The following SCLT1 variants were observed in gnomAD, a reference collection of about 807,000 sequenced individuals.
The protein encoded by SCLT1 is sodium channel and clathrin linker 1.
In SCLT1, 78 loss-of-function variants were observed where a neutral mutation model predicts 112.8. The observed-to-expected ratio is 0.69, with a 90% CI of 0.58 to 0.83. The LOEUF is 0.83. Among genes scored for constraint, SCLT1 ranks in the 40% least tolerant of loss-of-function variants. The pLI is 0.00. For missense variants in SCLT1, 747 were observed against 770.4 expected (o/e 0.97, Z 0.36); for synonymous variants, 257 against 254.7 (o/e 1.01, Z -0.09).
chr4:128,976,248 C>G (rs1180793200), intron 9 of SCLT1, among the ~76,000 whole-genome samples: 1 of 152,134 alleles, frequency 6.6e-6, no homozygotes, highest in Admixed American at 6.6e-5. Flanking sequence ...GCAAGCAGTA[C>G]TTGGTCATCT....
chr4:128,929,020 A>G (rs1365932192), intron 18 of SCLT1, among the ~76,000 whole-genome samples: 3 of 152,220 alleles, frequency 2.0e-5, no homozygotes, highest in East Asian at 3.8e-4. Flanking sequence ...TACTCTGTGC[A>G]TTGCATTGGA....
chr4:129,057,815 G>A (rs1749574474), intron 2 of SCLT1, among the ~76,000 whole-genome samples: 1 of 151,166 alleles, frequency 6.6e-6, no homozygotes, highest in Non-Finnish European at 1.5e-5. Flanking sequence ...GCAGTGGCAT[G>A]ATCTCGACTC....
chr4:128,897,936 A>T (rs889851278), intron 18 of SCLT1, among the ~76,000 whole-genome samples: 2 of 152,206 alleles, frequency 1.3e-5, no homozygotes, highest in African/African-American at 4.8e-5. Flanking sequence ...AGGCCATTAC[A>T]TAATGGTAAA....
At chr4:128,935,598 A>G (rs1737119398) in intron 18 of SCLT1, among the ~76,000 whole-genome samples, 1 of 152,110 alleles carries the variant, frequency 6.6e-6, no homozygotes, top group South Asian at 2.1e-4. Context: ...GTAAAGATTA[A>G]GTACATGTAA....
At chr4:128,943,970 A>G (rs1029333533) in intron 16 of SCLT1, among the ~76,000 whole-genome samples, 11 of 152,152 alleles carry the variant, frequency 7.2e-5, no homozygotes, top group African/African-American at 2.4e-4. Context: ...AATACTTAAA[A>G]TTCTTAAAAT....
At chr4:129,004,340 ACAAG>A (rs777526843) in intron 5 of SCLT1, among the ~76,000 whole-genome samples, 18 of 152,138 alleles carry the variant, frequency 1.2e-4, no homozygotes, top group South Asian at 2.1e-4. Context: ...ATTCCAGTTA[ACAAG>A]CAAAGAGAAG....
At chr4:129,070,481 T>A (rs1838911) in intron 2 of SCLT1, among the ~76,000 whole-genome samples, 16 of 151,886 alleles carry the variant, frequency 1.1e-4, no homozygotes, top group Admixed American at 3.9e-4. Flanking sequence ...TCTGATTTAA[T>A]CTAGGAGGGT....
intron 2 of SCLT1, among the ~76,000 whole-genome samples, chr4:129,070,655 T>G (rs1579926494): frequency 6.6e-6 from 1 of 152,334 alleles, no homozygotes; most frequent in East Asian, 1.9e-4. Context: ...CCTTCTTTTC[T>G]TGGTTAATCT....
rs73847380 is a variant in SCLT1, at chr4:129,018,529, G to A, written c.291-14653C>T. Among the ~76,000 whole-genome samples the A allele has an allele frequency of 3.7e-3, 569 of 152,180 alleles. 1 individual carries two copies. Among genetic ancestry groups the A allele is most frequent in the African/African-American group, 0.011 (471 of 41,532 alleles). On this transcript the variant is annotated intron_variant, in intron 5 of 20. Coordinates refer to ENST00000281142, the MANE Select transcript of SCLT1 (RefSeq NM_144643.4). ...AAGTCAGAAAAACTATAAAACCATA[G>A]AAGATTGAAAGGAGATCAAAATGAT...
chr4:128,913,563 T>C (rs969099057), intron 18 of SCLT1, among the ~76,000 whole-genome samples: 2 of 152,160 alleles, frequency 1.3e-5, no homozygotes, highest in African/African-American at 4.8e-5. Context: ...CAACCCAGAA[T>C]GGCTGTGTGT....
intron 2 of SCLT1, among the ~76,000 whole-genome samples, chr4:129,061,959 G>A (rs1261839219): frequency 6.6e-6 from 1 of 152,162 alleles, no homozygotes; most frequent in Non-Finnish European, 1.5e-5. Flanking sequence ...GATAAGCTTA[G>A]TGACTTTGAG....
chr4:128,898,333 AC>A (rs1465855821), intron 18 of SCLT1, among the ~76,000 whole-genome samples: 1 of 152,252 alleles, frequency 6.6e-6, no homozygotes, highest in African/African-American at 2.4e-5. Flanking sequence ...CTCTCAGACC[AC>A]AGTGCAATCA....
intron 5 of SCLT1, among the ~76,000 whole-genome samples, chr4:129,004,306 C>G (rs1743800872): frequency 6.6e-6 from 1 of 152,008 alleles, no homozygotes; most frequent in African/African-American, 2.4e-5. Context: ...GCGTGTTTCA[C>G]CAAACTCACT....
At chr4:128,879,654 A>G (rs939419661), downstream of SCLT1, among the ~76,000 whole-genome samples, 1 of 152,216 alleles carries the variant, frequency 6.6e-6, no homozygotes. Flanking sequence ...AAATGTTAGC[A>G]TGATGCACAG....
intron 5 of SCLT1, among the ~76,000 whole-genome samples, chr4:129,031,773 AAGG>A (rs1442938900): frequency 6.6e-6 from 1 of 152,190 alleles, no homozygotes; most frequent in African/African-American, 2.4e-5. Context: ...GGACCTCTTC[AAGG>A]AGAACTACAA....
intron 13 of SCLT1, among the ~76,000 whole-genome samples, chr4:128,953,071 T>C (rs1738900600): frequency 6.6e-6 from 1 of 152,128 alleles, no homozygotes; most frequent in African/African-American, 2.4e-5. Context: ...ATTTTGGTCA[T>C]AGGATGCTTT....
chr4:128,920,932 G>T (rs1193234721), intron 18 of SCLT1, among the ~76,000 whole-genome samples: 7 of 152,120 alleles, frequency 4.6e-5, no homozygotes, highest in Non-Finnish European at 8.8e-5. Flanking sequence ...CTGCCCACAA[G>T]CTCTTAGATC....
In SCLT1 at chr4:128,975,040, C is replaced by CT. The variant is rs34603915; in HGVS notation, c.687-4573dup. ...GATATTAAACAGATTTGAATGACAA[C>CT]TTTTTTTTTTTTTTTTGAGATGGAG... On this transcript the variant is annotated intron_variant, in intron 9 of 20. Transcript: ENST00000281142. Among the ~76,000 whole-genome samples, 74 of 87,038 alleles carry CT rather than the reference C, an allele frequency of 8.5e-4. 12 individuals carry two copies. Among genetic ancestry groups the CT allele is most frequent in the East Asian group, 1.5e-3 (4 of 2,716 alleles). 57.1% of individuals were successfully genotyped at this position (87,038 alleles called of 152,430 possible).
intron 18 of SCLT1, among the ~76,000 whole-genome samples, chr4:128,906,179 T>A (rs1734675229): frequency 6.6e-6 from 1 of 152,214 alleles, no homozygotes; most frequent in Non-Finnish European, 1.5e-5. Context: ...ATATCAGAAC[T>A]AATGAGATAA....
Sources: gnomAD v4.1 joint callset for allele counts (sites outside exome capture counted in the v4.1 genomes callset) on GRCh38, gnomAD v4.1.1 for gene constraint, MANE v1.5 for transcripts, NCBI Gene and HGNC (gene_info 2026-07-23, HGNC 2026-07-21) for gene names.